The following OXR1 variants were observed in gnomAD, a reference collection of about 807,000 sequenced individuals.
OXR1 encodes oxidation resistance 1, also known as oxidation resistance protein 1.
A neutral mutation model predicts 104.6 loss-of-function variants in OXR1; 41 were observed. That is an observed-to-expected ratio of 0.39 (90% confidence interval 0.31 to 0.51). The LOEUF (loss-of-function observed/expected upper bound fraction) is 0.51. Among genes scored for constraint, OXR1 ranks in the 20% least tolerant of loss-of-function variants. The pLI is 0.77. For missense variants in OXR1, 955 were observed against 1,031.9 expected, an observed-to-expected ratio of 0.93 and a Z score of 1.02; for synonymous variants, 348 against 348.4, an observed-to-expected ratio of 1.00 and a Z score of 0.01.
chr8:106,694,922 T>TGTATTTATATATATATAAATATAAA (rs1563717125), intron 7 of OXR1, among the ~76,000 whole-genome samples: 2 of 129,980 alleles, frequency 1.5e-5, no homozygotes, highest in African/African-American at 5.4e-5. Context: ...CATATTTATA[T>TGTATTTATATATATATAAATATAAA]ATATTTATAT....
chr8:106,328,512 A>C (rs536245617), intron 1 of OXR1, among the ~76,000 whole-genome samples: 1 of 152,324 alleles, frequency 6.6e-6, no homozygotes, highest in African/African-American at 2.4e-5. Flanking sequence ...GTTAAAAATA[A>C]ATTTAATAAG....
chr8:106,635,536 C>T (rs1452907920), intron 3 of OXR1, among the ~76,000 whole-genome samples: 1 of 152,116 alleles, frequency 6.6e-6, no homozygotes, highest in African/African-American at 2.4e-5. Flanking sequence ...CCTCCGCCTC[C>T]TGGGTTCAAA....
intron 1 of OXR1, among the ~76,000 whole-genome samples, chr8:106,328,418 TATG>T: frequency 6.6e-6 from 1 of 152,374 alleles, no homozygotes. Context: ...AGGGAAAGAT[TATG>T]ATGACATTTT....
intron 2 of OXR1, among the ~76,000 whole-genome samples, chr8:106,450,377 T>C (rs1484162013): frequency 1.3e-5 from 2 of 152,186 alleles, no homozygotes; most frequent in Non-Finnish European, 2.9e-5. Context: ...TTAGATTCTT[T>C]GTAGCAAAGT....
chr8:106,707,494 C>T, intron 9 of OXR1: 1 of 427,156 alleles, frequency 2.3e-6, no homozygotes. Context: ...TGGTGTGTTA[C>T]CATTAAAAAT....
At chr8:106,276,838 C>T (rs953555452) in intron 1 of OXR1, among the ~76,000 whole-genome samples, 11 of 147,450 alleles carry the variant, frequency 7.5e-5, no homozygotes, top group Admixed American at 3.4e-4. Flanking sequence ...AAAGATTAAA[C>T]GCCTTTTTAT....
At chr8:106,591,091 G>T (rs896969587) in intron 3 of OXR1, among the ~76,000 whole-genome samples, 3 of 151,674 alleles carry the variant, frequency 2.0e-5, no homozygotes. Context: ...TTTACACCAC[G>T]GAATACTATG....
intron 2 of OXR1, among the ~76,000 whole-genome samples, chr8:106,400,640 A>G (rs1817964436): frequency 6.6e-6 from 1 of 152,214 alleles, no homozygotes; most frequent in East Asian, 1.9e-4. Context: ...TGTGACTGAA[A>G]TACTGAATTA....
At position 106,708,111 on chromosome 8, in the gene OXR1, G is replaced by C. The variant is rs140299555; in HGVS notation, c.1624+966G>C. 2.6e-3 allele frequency among the ~76,000 whole-genome samples: 395 copies of C among 152,098 alleles called. 1 individual carries two copies. The highest frequency in any genetic ancestry group is 9.1e-3 in the African/African-American group (378 of 41,496). The stretch of plus-strand genomic sequence containing the variant: ...TCTGTACCCCTTAAACAATAAGTTG[G>C]CCAGGCATGGTGGCTCACTCCTGTA... On this transcript the variant is annotated intron_variant, in intron 9 of 16. Coordinates refer to ENST00000517566, the MANE Select transcript of OXR1 (RefSeq NM_001198533.2).
chr8:106,512,308 A>T (rs1165513491), intron 2 of OXR1, among the ~76,000 whole-genome samples: 3 of 152,196 alleles, frequency 2.0e-5, no homozygotes, highest in Non-Finnish European at 4.4e-5. Context: ...AGTGGGATAT[A>T]TGGAAATGTG....
chr8:106,419,455 G>A (rs1258389714), intron 2 of OXR1, among the ~76,000 whole-genome samples: 1 of 152,162 alleles, frequency 6.6e-6, no homozygotes, highest in Admixed American at 6.6e-5. Context: ...TCTATAGCCT[G>A]TTGTTGGCTC....
intron 1 of OXR1, among the ~76,000 whole-genome samples, chr8:106,325,040 TA>T (rs1246173851): frequency 6.6e-6 from 1 of 151,880 alleles, no homozygotes; most frequent in Non-Finnish European, 1.5e-5. Flanking sequence ...TTTTGTAGGT[TA>T]AAAAAAAGAT....
At chr8:106,584,761 G>C (rs927703316) in intron 3 of OXR1, among the ~76,000 whole-genome samples, 5 of 152,014 alleles carry the variant, frequency 3.3e-5, no homozygotes, top group Admixed American at 6.6e-5. Context: ...GAAAAAAAAT[G>C]GAATCCAAGA....
At chr8:106,545,851 C>G (rs1018493752) in intron 3 of OXR1, among the ~76,000 whole-genome samples, 4 of 151,992 alleles carry the variant, frequency 2.6e-5, no homozygotes, top group African/African-American at 9.7e-5. Flanking sequence ...CAACAATTAG[C>G]CAGTTGTGGT....
At chr8:106,671,051 A>AACAAAAAC (rs1156381000) in intron 3 of OXR1, among the ~76,000 whole-genome samples, 2 of 149,916 alleles carry the variant, frequency 1.3e-5, no homozygotes, top group African/African-American at 2.5e-5. Flanking sequence ...TCTCAAAAAA[A>AACAAAAAC]AAAAAAAAAA....
chr8:106,387,002 A>G (rs1193255277), intron 2 of OXR1, among the ~76,000 whole-genome samples: 2 of 152,224 alleles, frequency 1.3e-5, no homozygotes, highest in Non-Finnish European at 2.9e-5. Context: ...GTAAGCCAGC[A>G]ATGGCAAATA....
chr8:106,375,377 G>C (rs768004259), intron 2 of OXR1, among the ~76,000 whole-genome samples: 26 of 152,078 alleles, frequency 1.7e-4, no homozygotes, highest in Non-Finnish European at 3.2e-4. Context: ...TTTACTTCTA[G>C]GTTCTCATGA....
intron 7 of OXR1, among the ~76,000 whole-genome samples, chr8:106,701,835 C>T (rs539489076): frequency 6.6e-6 from 1 of 152,108 alleles, no homozygotes; most frequent in South Asian, 2.1e-4. Context: ...AAGCAATATG[C>T]ATATAAAGCA....
At chr8:106,436,236 T>C (rs16874619) in intron 2 of OXR1, among the ~76,000 whole-genome samples, 27,250 of 152,066 alleles carry the variant, frequency 0.18, 2,984 homozygotes, top group East Asian at 0.41. Flanking sequence ...CATTTCTGGT[T>C]GGCATGAGGC....
Sources: gnomAD v4.1 joint callset for allele counts (sites outside exome capture counted in the v4.1 genomes callset) on GRCh38, gnomAD v4.1.1 for gene constraint, MANE v1.5 for transcripts, NCBI Gene and HGNC (gene_info 2026-07-23, HGNC 2026-07-21) for gene names.